Variants in DTNB observed in about 807,000 individuals in gnomAD.
The protein encoded by DTNB is dystrobrevin beta.
In DTNB, 63 loss-of-function variants were observed where a neutral mutation model predicts 90.7. The observed-to-expected ratio is 0.69, with a 90% confidence interval of 0.57 to 0.86. DTNB has a LOEUF of 0.86. DTNB is among the 40% of genes least tolerant of loss of function. The probability of loss-of-function intolerance (pLI) is 0.00; values close to 1 mark genes in which losing one functional copy is unlikely to be tolerated. For missense variants in DTNB, 744 were observed against 807.1 expected (o/e 0.92, Z 0.95); for synonymous variants, 277 against 286.7 (o/e 0.97, Z 0.34).
chr2:25,531,670 C>T, intron 8 of DTNB, 73 bp from the exon 9 acceptor site: 1 of 1,536,300 alleles, frequency 6.5e-7, no homozygotes, highest in Non-Finnish European at 8.7e-7. Flanking sequence ...AAGAAAAAAA[C>T]TTTGTGACAA....
chr2:25,446,350 C>T (rs536981374), intron 12 of DTNB, among the ~76,000 whole-genome samples: 9 of 152,272 alleles, frequency 5.9e-5, no homozygotes, highest in African/African-American at 9.6e-5. Flanking sequence ...AATTCTCCCA[C>T]GTCAGCCTCC....
intron 12 of DTNB, among the ~76,000 whole-genome samples, chr2:25,449,567 A>G (rs889010132): frequency 6.6e-6 from 1 of 152,186 alleles, no homozygotes; most frequent in African/African-American, 2.4e-5. Context: ...ATGATTAATG[A>G]TATCAAGCAC....
At chr2:25,421,863 T>C (rs2049824144) in intron 15 of DTNB, among the ~76,000 whole-genome samples, 1 of 152,212 alleles carries the variant, frequency 6.6e-6, no homozygotes, top group African/African-American at 2.4e-5. Flanking sequence ...AGAGAAACCG[T>C]AATTTGCAGT....
intron 8 of DTNB, among the ~76,000 whole-genome samples, chr2:25,570,097 G>GAA (rs58904320): frequency 0.052 from 6,535 of 124,758 alleles, 533 homozygotes; most frequent in African/African-American, 0.18. Flanking sequence ...ACTGCATCTG[G>GAA]AAAAAAAAAA....
At chr2:25,584,923 T>C (rs1287448419) in intron 6 of DTNB, among the ~76,000 whole-genome samples, 1 of 152,098 alleles carries the variant, frequency 6.6e-6, no homozygotes, top group Non-Finnish European at 1.5e-5. Flanking sequence ...CTCTTTGGGG[T>C]CCTCAATAAT....
intron 9 of DTNB, 35 bp from the exon 10 acceptor site, chr2:25,482,908 G>A: frequency 6.4e-7 from 1 of 1,563,450 alleles, no homozygotes; most frequent in Non-Finnish European, 8.7e-7. Flanking sequence ...TATTAATAAT[G>A]ACCAACTAGG....
At chr2:25,563,914 G>C (rs980917374) in intron 8 of DTNB, among the ~76,000 whole-genome samples, 2 of 151,366 alleles carry the variant, frequency 1.3e-5, no homozygotes, top group Non-Finnish European at 2.9e-5. Context: ...TTTTTGAGAC[G>C]GAGTCTCACT....
chr2:25,427,755 G>T, intron 14 of DTNB, 124 bp from the exon 15 acceptor site: 1 of 811,538 alleles, frequency 1.2e-6, no homozygotes, highest in Non-Finnish European at 1.9e-6. Flanking sequence ...AAGTCATTTA[G>T]CATCCAATAC....
chr2:25,383,580 T>C (rs1428284530), intron 19 of DTNB: 9 of 640,808 alleles, frequency 1.4e-5, no homozygotes, highest in Middle Eastern at 8.8e-4. Flanking sequence ...TTTTGTGTTC[T>C]ACTTGTATCT....
intron 1 of DTNB, among the ~76,000 whole-genome samples, chr2:25,671,484 G>A (rs897907284): frequency 6.6e-6 from 1 of 152,152 alleles, no homozygotes; most frequent in African/African-American, 2.4e-5. Flanking sequence ...CCCTGAAACA[G>A]GAGAAATAAA....
At chr2:25,495,649 T>C (rs2068678148) in intron 9 of DTNB, among the ~76,000 whole-genome samples, 1 of 152,214 alleles carries the variant, frequency 6.6e-6, no homozygotes, top group Non-Finnish European at 1.5e-5. Flanking sequence ...GCATGCTCTT[T>C]GTCTATCTCT....
intron 9 of DTNB, among the ~76,000 whole-genome samples, chr2:25,526,372 TATATATATATATATATATATATA>T (rs1558883840): frequency 1.9e-4 from 12 of 62,390 alleles, no homozygotes; most frequent in African/African-American, 8.2e-4. Context: ...AATATATATA[TATATATATATATATATATATATA>T]TTTTTTTTTT....
chr2:25,660,092 A>C (rs2082852571), intron 1 of DTNB, among the ~76,000 whole-genome samples: 1 of 152,216 alleles, frequency 6.6e-6, no homozygotes, highest in Non-Finnish European at 1.5e-5. Flanking sequence ...CCAGAAATAT[A>C]TCCTTACACT....
chr2:25,445,938 T>TC (rs397757275), intron 12 of DTNB, among the ~76,000 whole-genome samples: 1 of 151,400 alleles, frequency 6.6e-6, no homozygotes, highest in Non-Finnish European at 1.5e-5. Flanking sequence ...TTTTTTTTTT[T>TC]AATCTCTCTG....
At chr2:25,433,445 G>A (rs371387290) in intron 13 of DTNB, among the ~76,000 whole-genome samples, 15 of 151,974 alleles carry the variant, frequency 9.9e-5, no homozygotes, top group African/African-American at 2.2e-4. Flanking sequence ...ACCTTAGGTC[G>A]GGTCTCCACA....
chr2:25,382,519 CTTTTTTTTTTTTTTTTT>C (rs3041261), intron 19 of DTNB, among the ~76,000 whole-genome samples: 12 of 72,010 alleles, frequency 1.7e-4, no homozygotes, highest in Non-Finnish European at 2.5e-4. Context: ...AGTTCTCTGC[CTTTTTTTTTTTTTTTTT>C]TTTTTTTTTT....
In DTNB at chr2:25,494,501, T is replaced by C. The variant is rs371674675; in HGVS notation, c.1002-11628A>G. On this transcript the variant is annotated intron_variant, in intron 9 of 20. Transcript: ENST00000406818. Reference sequence around the variant, plus strand: ...GGAGGAGGGGGGAGTGCGGGGGTGGTTGGGAGAGGAACTTATTGGGCACCA... The same window carrying C: ...GGAGGAGGGGGGAGTGCGGGGGTGGCTGGGAGAGGAACTTATTGGGCACCA... Among the ~76,000 whole-genome samples, 1,128 of 149,866 alleles carry C rather than the reference T, an allele frequency of 7.5e-3. 22 individuals are homozygous for C. Among genetic ancestry groups the C allele is most frequent in the African/African-American group, 0.027 (1,082 of 40,380 alleles).
At chr2:25,598,610 A>G (rs1015585443) in intron 5 of DTNB, among the ~76,000 whole-genome samples, 1 of 152,216 alleles carries the variant, frequency 6.6e-6, no homozygotes, top group Non-Finnish European at 1.5e-5. Context: ...CCTTCAAAAT[A>G]TAATTTAGAA....
intron 4 of DTNB, among the ~76,000 whole-genome samples, chr2:25,623,098 A>AC (rs1468681499): frequency 6.6e-6 from 1 of 152,186 alleles, no homozygotes; most frequent in Non-Finnish European, 1.5e-5. Context: ...CAATCAGAAA[A>AC]CGAGAAAACA....
Sources: allele counts gnomAD v4.1 joint callset (sites outside exome capture counted in the v4.1 genomes callset), GRCh38; gene constraint gnomAD v4.1.1; transcripts MANE v1.5; gene names NCBI Gene and HGNC (gene_info 2026-07-23, HGNC 2026-07-21).